GUCY1A2: variants seen among roughly 807,000 people sequenced by gnomAD.
GUCY1A2 encodes guanylate cyclase soluble subunit alpha-2.
A neutral mutation model predicts 63.5 loss-of-function variants in GUCY1A2; 27 were observed. The observed-to-expected ratio is 0.43, with a 90% CI of 0.31 to 0.59. GUCY1A2 has a LOEUF of 0.59. Among genes scored for constraint, GUCY1A2 ranks in the 20% least tolerant of loss-of-function variants. The probability of loss-of-function intolerance (pLI) is 0.11; values close to 1 mark genes in which losing one functional copy is unlikely to be tolerated. For synonymous variants in GUCY1A2, 364 were observed against 343.5 expected (o/e 1.06, Z -0.66); for missense variants, 768 against 913.3 (o/e 0.84, Z 2.05).
At chr11:106,790,445 A>G (rs1864638052) in intron 5 of GUCY1A2, among the ~76,000 whole-genome samples, 1 of 152,196 alleles carries the variant, frequency 6.6e-6, no homozygotes, top group Non-Finnish European at 1.5e-5. Flanking sequence ...AGCAAGGCCT[A>G]GAATCAGGAA....
At chr11:106,714,905 C>T (rs557264949) in intron 6 of GUCY1A2, among the ~76,000 whole-genome samples, 26 of 152,090 alleles carry the variant, frequency 1.7e-4, no homozygotes, top group Admixed American at 4.6e-4. Flanking sequence ...TCTTGGTAAA[C>T]GAGGATAAAC....
chr11:106,722,995 T>A (rs996591611), intron 6 of GUCY1A2, among the ~76,000 whole-genome samples: 2 of 152,256 alleles, frequency 1.3e-5, no homozygotes, highest in African/African-American at 4.8e-5. Context: ...ATTATTTATA[T>A]GTTTATATAT....
intron 7 of GUCY1A2, among the ~76,000 whole-genome samples, chr11:106,693,016 G>A (rs1862653102): frequency 6.6e-6 from 1 of 152,114 alleles, no homozygotes; most frequent in Non-Finnish European, 1.5e-5. Context: ...TCAACAACTG[G>A]AAAGATCTGT....
At chr11:106,766,915 T>C (rs904762150) in intron 6 of GUCY1A2, among the ~76,000 whole-genome samples, 2 of 152,068 alleles carry the variant, frequency 1.3e-5, no homozygotes, top group Admixed American at 6.6e-5. Context: ...ACATTTACTG[T>C]CTCTACCAGG....
At chr11:106,919,679 G>A (rs1860416105) in intron 4 of GUCY1A2, among the ~76,000 whole-genome samples, 1 of 152,052 alleles carries the variant, frequency 6.6e-6, no homozygotes, top group Non-Finnish European at 1.5e-5. Context: ...GCTAAAAAGA[G>A]GTAGAAGAGT....
At chr11:106,827,186 G>A in intron 4 of GUCY1A2, 1 of 1,507,616 alleles carries the variant, frequency 6.6e-7, no homozygotes, top group South Asian at 1.1e-5. Flanking sequence ...TGCCAATCTG[G>A]TCCCAACGCA....
intron 4 of GUCY1A2, among the ~76,000 whole-genome samples, chr11:106,839,143 A>C (rs531215657): frequency 1.3e-5 from 2 of 151,920 alleles, no homozygotes; most frequent in South Asian, 4.1e-4. Flanking sequence ...ATCTTGAATT[A>C]ATTTTTGTAT....
At chr11:106,721,065 A>ATTTTTTT (rs71041688) in intron 6 of GUCY1A2, among the ~76,000 whole-genome samples, 2 of 145,020 alleles carry the variant, frequency 1.4e-5, no homozygotes, top group African/African-American at 5.2e-5. Context: ...ATATTTGCAA[A>ATTTTTTT]TTTTTTTTTT....
At chr11:106,741,487 GAGAAGGA>G (rs5794490) in intron 6 of GUCY1A2, among the ~76,000 whole-genome samples, 59,420 of 151,400 alleles carry the variant, frequency 0.39, 13,118 homozygotes, top group East Asian at 0.7. Flanking sequence ...TGTATCAAAG[GAGAAGGA>G]AGAAGGAAAA....
chr11:106,941,713 T>C (rs576878297), intron 3 of GUCY1A2, among the ~76,000 whole-genome samples: 2 of 152,348 alleles, frequency 1.3e-5, no homozygotes, highest in South Asian at 2.1e-4. Flanking sequence ...GTGAATAATA[T>C]TGTTTTTAAA....
intron 4 of GUCY1A2, among the ~76,000 whole-genome samples, chr11:106,847,569 C>T (rs1418014381): frequency 6.6e-6 from 1 of 151,360 alleles, no homozygotes; most frequent in African/African-American, 2.4e-5. Flanking sequence ...AAGGAGAAGG[C>T]ATTTCAGCTG....
intron 4 of GUCY1A2, among the ~76,000 whole-genome samples, chr11:106,893,623 A>G (rs1474521446): frequency 6.6e-6 from 1 of 152,188 alleles, no homozygotes; most frequent in African/African-American, 2.4e-5. Context: ...AGCAGAATAA[A>G]CTGAAAAATT....
chr11:106,961,431 A>C (rs1338994443), intron 3 of GUCY1A2, among the ~76,000 whole-genome samples: 1 of 152,150 alleles, frequency 6.6e-6, no homozygotes, highest in African/African-American at 2.4e-5. Context: ...TTTTCCCATA[A>C]ACTTTTAAGA....
At chr11:106,836,309 A>G (rs551803533) in intron 4 of GUCY1A2, among the ~76,000 whole-genome samples, 1 of 152,112 alleles carries the variant, frequency 6.6e-6, no homozygotes, top group Non-Finnish European at 1.5e-5. Flanking sequence ...ATTATGTATT[A>G]TGTTCTTACA....
At chr11:106,720,291 G>C (rs778786979) in intron 6 of GUCY1A2, among the ~76,000 whole-genome samples, 54 of 152,186 alleles carry the variant, frequency 3.5e-4, no homozygotes, top group Non-Finnish European at 2.1e-4. Flanking sequence ...AAGTGCTTGT[G>C]AGGGGCAATG....
At chr11:106,812,453 C>T (rs1359372858) in intron 4 of GUCY1A2, among the ~76,000 whole-genome samples, 1 of 151,582 alleles carries the variant, frequency 6.6e-6, no homozygotes, top group Admixed American at 6.6e-5. Context: ...TTCTTCATCG[C>T]TTGGACTCTA....
intron 3 of GUCY1A2, among the ~76,000 whole-genome samples, chr11:106,966,109 T>C (rs775618346): frequency 9.9e-5 from 15 of 152,086 alleles, no homozygotes; most frequent in Admixed American, 2.0e-4. Flanking sequence ...TTCTTCTCTT[T>C]TCTTTTTTGT....
chr11:106,826,770 C>T (rs971399222), intron 4 of GUCY1A2: 31 of 1,611,116 alleles, frequency 1.9e-5, no homozygotes, highest in Non-Finnish European at 2.5e-5. Context: ...CCTGGGTCCA[C>T]AGCCTCATCT....
At position 106,684,634 on chromosome 11, in the gene GUCY1A2, C is replaced by T. The variant is rs550293395; in HGVS notation, c.*2915G>A. On this transcript the variant is annotated 3_prime_UTR_variant, in exon 8 of 8. Transcript: ENST00000526355. ...GGTGCTAATGGCTAGTTATAAGGTG[C>T]CTTCTTCCAAACAGCAGCTTAAAAG... 1 of 200,698 alleles carries T rather than the reference C, an allele frequency of 5.0e-6. No individual in the cohort carries two copies. The highest frequency in any genetic ancestry group is 1.0e-5 in the Non-Finnish European group (1 of 97,416). 12.4% of individuals were successfully genotyped at this position (200,698 alleles called of 1,614,324 possible).
Sources: gnomAD v4.1 joint callset for allele counts (sites outside exome capture counted in the v4.1 genomes callset) on GRCh38, gnomAD v4.1.1 for gene constraint, MANE v1.5 for transcripts, NCBI Gene and HGNC (gene_info 2026-07-23, HGNC 2026-07-21) for gene names.